PTGER3: variants seen among roughly 807,000 people sequenced by gnomAD.
The protein encoded by PTGER3 is prostaglandin E2 receptor EP3 subtype.
PTGER3 carries 22 observed loss-of-function variants against 34.7 expected under a neutral mutation model. The ratio of observed to expected loss-of-function variants is 0.63; its 90% CI spans 0.45 to 0.91. The LOEUF is 0.91. PTGER3 is among the 40% of genes least tolerant of loss of function. The probability of loss-of-function intolerance (pLI) is 0.00; values close to 1 mark genes in which losing one functional copy is unlikely to be tolerated. For synonymous variants in PTGER3, 241 were observed against 230.1 expected, an observed-to-expected ratio of 1.05 and a Z score of -0.43; for missense variants, 468 against 519.4, an observed-to-expected ratio of 0.90 and a Z score of 0.96.
intron 4 of PTGER3, among the ~76,000 whole-genome samples, chr1:70,940,345 T>G (rs1021645607): frequency 6.6e-6 from 1 of 152,212 alleles, no homozygotes; most frequent in South Asian, 2.1e-4. Flanking sequence ...TCTGACTTCT[T>G]CTGAGTCCTC....
At chr1:70,912,786 T>C (rs1358056482) in intron 4 of PTGER3, among the ~76,000 whole-genome samples, 1 of 152,110 alleles carries the variant, frequency 6.6e-6, no homozygotes, top group Admixed American at 6.5e-5. Context: ...TTTGGCACTT[T>C]TATTGAAAAT....
rs1655940815 is a variant in PTGER3, at chr1:70,996,365, G to A, written c.1077+15940C>T. Among the ~76,000 whole-genome samples the A allele has an allele frequency of 3.3e-5, 5 of 151,612 alleles. No individual in the cohort carries two copies. In the South Asian group the frequency reaches 1.0e-3, roughly 31 times the overall value. ...TAATGTCTTTAAGAATAATTTTACTGTTGATTTAAAAAAACTTCCCTGTTT... is the reference window on the plus strand; with the variant it reads ...TAATGTCTTTAAGAATAATTTTACTATTGATTTAAAAAAACTTCCCTGTTT... On this transcript the variant is annotated intron_variant, in intron 2 of 3. Transcript: ENST00000306666.
intron 1 of PTGER3, among the ~76,000 whole-genome samples, chr1:71,012,769 A>G (rs1023049258): frequency 6.6e-6 from 1 of 152,168 alleles, no homozygotes; most frequent in Admixed American, 6.5e-5. Flanking sequence ...ACACATCTCA[A>G]AATGAGCCAA....
intron 4 of PTGER3, among the ~76,000 whole-genome samples, chr1:70,928,543 G>T (rs1459677766): frequency 6.6e-6 from 1 of 152,078 alleles, no homozygotes; most frequent in Non-Finnish European, 1.5e-5. Context: ...TAAGGTTGGA[G>T]GATCACTTGA....
At chr1:70,875,782 T>G (rs759873227) in intron 4 of PTGER3, among the ~76,000 whole-genome samples, 7 of 152,208 alleles carry the variant, frequency 4.6e-5, no homozygotes, top group Non-Finnish European at 1.0e-4. Context: ...TTATCCATAT[T>G]GCTGTAAAGG....
At chr1:70,966,524 G>T (rs745738745), downstream of PTGER3, among the ~76,000 whole-genome samples, 1 of 152,100 alleles carries the variant, frequency 6.6e-6, no homozygotes, top group Non-Finnish European at 1.5e-5. Context: ...AAAACGTGCA[G>T]GTTTGTTACA....
chr1:70,863,302 C>T (rs1645968463), intron 4 of PTGER3, among the ~76,000 whole-genome samples: 1 of 152,040 alleles, frequency 6.6e-6, no homozygotes, highest in African/African-American at 2.4e-5. Context: ...TGTGATATCA[C>T]CTACAAATCA....
chr1:70,860,838 C>A (rs115196161), intron 4 of PTGER3, among the ~76,000 whole-genome samples: 1,758 of 152,256 alleles, frequency 0.012, 38 homozygotes, highest in African/African-American at 0.039. Context: ...ATGATTCACC[C>A]ATTAAACCTG....
chr1:70,939,169 CA>C (rs1324717873), intron 4 of PTGER3, among the ~76,000 whole-genome samples: 3 of 152,170 alleles, frequency 2.0e-5, no homozygotes, highest in Non-Finnish European at 4.4e-5. Context: ...GTCCAAAATC[CA>C]GTGGGGCAGT....
intron 2 of PTGER3, among the ~76,000 whole-genome samples, chr1:70,999,609 A>G (rs2268055): frequency 0.34 from 52,249 of 152,124 alleles, 9,486 homozygotes; most frequent in South Asian, 0.45. Context: ...GGTCTGCCCT[A>G]GGTCCTGAAT....
At chr1:70,973,912 A>G (rs1031852940) in intron 3 of PTGER3, among the ~76,000 whole-genome samples, 2 of 152,176 alleles carry the variant, frequency 1.3e-5, no homozygotes, top group Non-Finnish European at 2.9e-5. Context: ...AATGCGACTG[A>G]GAGTGTGCTA....
chr1:71,011,920 C>CA, intron 2 of PTGER3: 2 of 1,185,386 alleles, frequency 1.7e-6, no homozygotes, highest in Non-Finnish European at 2.1e-6. Context: ...CCCCGCTCCC[C>CA]AATAGACCAA....
At chr1:70,954,121 T>C (rs1393424654) in intron 2 of PTGER3, among the ~76,000 whole-genome samples, 1 of 152,128 alleles carries the variant, frequency 6.6e-6, no homozygotes, top group Non-Finnish European at 1.5e-5. Context: ...CAGGAAAGTA[T>C]ATAGAAATCA....
intron 2 of PTGER3, chr1:71,010,027 C>T (rs2817840): frequency 0.23 from 226,393 of 984,574 alleles, 27,377 homozygotes; most frequent in African/African-American, 0.41. Context: ...TTTTCCACCT[C>T]CCTTTCAAGC....
At chr1:70,979,630 C>T (rs1490528531) in intron 2 of PTGER3, among the ~76,000 whole-genome samples, 1 of 152,044 alleles carries the variant, frequency 6.6e-6, no homozygotes, top group Non-Finnish European at 1.5e-5. Flanking sequence ...CCAAAGTTTC[C>T]TTCCTTTCTT....
chr1:70,923,003 A>G (rs992792581), intron 4 of PTGER3, among the ~76,000 whole-genome samples: 5 of 152,186 alleles, frequency 3.3e-5, no homozygotes, highest in Admixed American at 1.3e-4. Flanking sequence ...GACCTGTAAG[A>G]AAAATTGTAA....
At chr1:70,874,480 G>T (rs1646231473) in intron 4 of PTGER3, among the ~76,000 whole-genome samples, 1 of 152,000 alleles carries the variant, frequency 6.6e-6, no homozygotes, top group African/African-American at 2.4e-5. Flanking sequence ...TTTTTTCAGT[G>T]TTTCATTTGT....
chr1:70,930,855 CT>C (rs1438334192), intron 4 of PTGER3, among the ~76,000 whole-genome samples: 4 of 152,134 alleles, frequency 2.6e-5, no homozygotes, highest in African/African-American at 9.7e-5. Context: ...CATTCCTCCC[CT>C]GGCCCCTCCA....
At chr1:70,913,820 A>G (rs928042147) in intron 4 of PTGER3, among the ~76,000 whole-genome samples, 5 of 151,560 alleles carry the variant, frequency 3.3e-5, no homozygotes, top group Non-Finnish European at 7.4e-5. Context: ...TTCTGGGATA[A>G]CTCCACTCAG....
Sources: gnomAD v4.1 joint callset for allele counts (sites outside exome capture counted in the v4.1 genomes callset) on GRCh38, gnomAD v4.1.1 for gene constraint, MANE v1.5 for transcripts, NCBI Gene and HGNC (gene_info 2026-07-23, HGNC 2026-07-21) for gene names.